The following TRPM8 variants were observed in gnomAD, a reference collection of about 807,000 sequenced individuals.
TRPM8 encodes the protein transient receptor potential cation channel subfamily M member 8.
A neutral mutation model predicts 133.7 loss-of-function variants in TRPM8; 110 were observed. That is an observed-to-expected ratio of 0.82 (90% CI 0.70 to 0.96). The LOEUF is 0.96. Among genes scored for constraint, TRPM8 ranks in the 40% least tolerant of loss-of-function variants. TRPM8 has a pLI of 0.00. For missense variants in TRPM8, 1,291 were observed against 1,379.5 expected (o/e 0.94, Z 1.02); for synonymous variants, 535 against 532.3 (o/e 1.01, Z -0.07).
Position 233,970,059 on chromosome 2 carries a change from A to G in TRPM8, c.2139-151A>G, listed in dbSNP as rs28902185. On this transcript the variant is annotated intron_variant, in intron 16 of 25. Transcript: ENST00000324695. ...TTAATTGCAAAATGCCAAGGATTTA[A>G]TTGGGGTTGGTTCCATCTTAGGACA... 972 of 770,562 alleles carry G rather than the reference A, an allele frequency of 1.3e-3. 7 individuals are homozygous for G. The African/African-American group carries it at 0.013, about 10-fold the overall frequency. 47.7% of individuals were successfully genotyped at this position (770,562 alleles called of 1,614,324 possible).
chr2:233,953,723 G>T, intron 9 of TRPM8, 194 bp from the exon 10 acceptor site: 1 of 438,724 alleles, frequency 2.3e-6, no homozygotes. Context: ...TTTGATAGGG[G>T]CTTTTTGATA....
rs137913537 is a variant in TRPM8 at position 233,993,662 on chromosome 2, G to A, written c.2940-2664G>A. On this transcript the variant is annotated intron_variant, in intron 21 of 25. Coordinates refer to ENST00000324695, the MANE Select transcript of TRPM8 (RefSeq NM_024080.5). ...GACATGTTTTTCCCTGACTCCAAGT[G>A]GCCACTTAAGCCATGGTGCAATAAA... is the stretch of plus-strand genomic sequence containing the variant. 5.3e-5 allele frequency among the ~76,000 whole-genome samples: 8 copies of A among 152,170 alleles called. 1 individual carries two copies. In the East Asian group the frequency reaches 1.5e-3, roughly 29 times the overall value.
intron 22 of TRPM8, 125 bp downstream of exon 22, chr2:233,996,641 C>A: frequency 2.2e-6 from 2 of 904,604 alleles, no homozygotes; most frequent in Non-Finnish European, 3.4e-6. Flanking sequence ...ATCTGTACAT[C>A]TGTAAAGATC....
chr2:233,980,668 A>T (rs1691983679), intron 18 of TRPM8, among the ~76,000 whole-genome samples: 1 of 152,150 alleles, frequency 6.6e-6, no homozygotes, highest in Non-Finnish European at 1.5e-5. Context: ...GCCCCTGATC[A>T]TGGGGAGAAA....
chr2:233,956,677 G>A (rs141167625), intron 11 of TRPM8, among the ~76,000 whole-genome samples: 9 of 152,270 alleles, frequency 5.9e-5, no homozygotes, highest in African/African-American at 1.7e-4. Flanking sequence ...ACTAAGACTC[G>A]ATTTATATTA....
chr2:234,009,878 T>C (rs1045694745), intron 24 of TRPM8, among the ~76,000 whole-genome samples: 2 of 152,208 alleles, frequency 1.3e-5, no homozygotes, highest in East Asian at 3.8e-4. Context: ...ATTTGATGCT[T>C]TGATGCATGT....
intron 12 of TRPM8, 85 bp downstream of exon 12, chr2:233,961,151 A>T: frequency 7.5e-7 from 1 of 1,336,260 alleles, no homozygotes; most frequent in Non-Finnish European, 1.0e-6. Context: ...CCTACTCCCT[A>T]TCTTATTGCC....
chr2:234,015,586 A>C (rs17866591), intron 25 of TRPM8, among the ~76,000 whole-genome samples: 2,509 of 152,260 alleles, frequency 0.016, 38 homozygotes, highest in Non-Finnish European at 0.028. Context: ...TATAGGGGAA[A>C]TCATGTTGCA....
chr2:233,999,985 T>C (rs1692510342), intron 22 of TRPM8, among the ~76,000 whole-genome samples: 1 of 151,936 alleles, frequency 6.6e-6, no homozygotes. Context: ...AAAATTGATA[T>C]ATTTTCACAA....
Position 233,983,203 on chromosome 2 carries a change from C to A in TRPM8, c.2740C>A (p.Gln914Lys). Residue 914 changes from glutamine (Q) to lysine (K), a missense_variant, in exon 20 of 26, where the codon CAG (glutamine) becomes AAG (lysine). Coordinates refer to ENST00000324695, the MANE Select transcript of TRPM8 (RefSeq NM_024080.5). Reference sequence around the variant, plus strand: ...CGAGCCCTACCTGGCCATGTTCGGCCAGGTGCCCAGTGACGTGGATGGTAA... The same window carrying A: ...CGAGCCCTACCTGGCCATGTTCGGCAAGGTGCCCAGTGACGTGGATGGTAA... Reference protein sequence around the residue: ...IYEPYLAMFGQVPSDVDGTTY... With the variant: ...IYEPYLAMFGKVPSDVDGTTY... 1.2e-6 allele frequency: 2 copies of A among 1,614,170 alleles called. No individual in the cohort carries two copies. The highest frequency in any genetic ancestry group is 8.5e-7 in the Non-Finnish European group (1 of 1,180,034).
chr2:233,946,562 G>T (rs1691047838), intron 7 of TRPM8, among the ~76,000 whole-genome samples: 2 of 152,160 alleles, frequency 1.3e-5, no homozygotes, highest in African/African-American at 2.4e-5. Context: ...TGTGGACAGG[G>T]TATTGAGATG....
chr2:233,981,530 G>A (rs961100135), intron 18 of TRPM8, among the ~76,000 whole-genome samples: 1 of 152,072 alleles, frequency 6.6e-6, no homozygotes, highest in African/African-American at 2.4e-5. Flanking sequence ...TAAAGAGACA[G>A]GAACCTCCGA....
At chr2:233,940,877 C>T (rs971081485) in intron 5 of TRPM8, among the ~76,000 whole-genome samples, 2 of 151,972 alleles carry the variant, frequency 1.3e-5, no homozygotes, top group Admixed American at 6.6e-5. Flanking sequence ...TGTTCTATGG[C>T]GTGGGGAAAG....
At chr2:233,981,482 C>T (rs529153715) in intron 18 of TRPM8, among the ~76,000 whole-genome samples, 24 of 152,096 alleles carry the variant, frequency 1.6e-4, no homozygotes, top group Non-Finnish European at 3.1e-4. Context: ...AGCAATAGCA[C>T]GGTTAGGTTC....
intron 17 of TRPM8, among the ~76,000 whole-genome samples, chr2:233,971,869 T>TC (rs57240469): frequency 0.1 from 15,152 of 152,136 alleles, 1,829 homozygotes; most frequent in East Asian, 0.39. Context: ...CACTGCTGGC[T>TC]CGCGCAGCCT....
intron 6 of TRPM8, among the ~76,000 whole-genome samples, chr2:233,943,282 C>T (rs1256124845): frequency 6.6e-6 from 1 of 152,050 alleles, no homozygotes; most frequent in African/African-American, 2.4e-5. Flanking sequence ...CCCAACAGAC[C>T]CTGGTGTGTG....
At position 233,981,781 on chromosome 2, in the gene TRPM8, T is replaced by G. The variant is rs773931564; in HGVS notation, c.2455T>G (p.Ser819Ala). 2 of 1,608,820 alleles carry G rather than the reference T, an allele frequency of 1.2e-6. No individual in the cohort carries two copies. Among genetic ancestry groups the G allele is most frequent in the Non-Finnish European group, 1.7e-6 (2 of 1,178,436 alleles). ...TCCTTCTTTTCCCCCTAGGCTCCAC[T>G]CTTCTAATAAAAGCTCTTTGTATTC... ...FIAGIVFRLH[S>A]SNKSSLYSGR... The change falls in exon 19 of 26, where the codon TCT becomes GCT. Residue 819 changes from serine (S) to alanine (A), a missense_variant. Ser to Ala is a moderately conservative substitution (Grantham distance 99). This residue lies in a region of TRPM8 where 328 missense variants were observed against 410.6 expected (regional missense o/e 0.80). Transcript: ENST00000324695.
At chr2:234,015,116 T>C (rs1692927579) in intron 25 of TRPM8, among the ~76,000 whole-genome samples, 1 of 152,252 alleles carries the variant, frequency 6.6e-6, no homozygotes, top group African/African-American at 2.4e-5. Flanking sequence ...ATCATCTTTT[T>C]ACTAACAAAA....
At chr2:234,006,414 T>A (rs1323273974) in intron 22 of TRPM8, among the ~76,000 whole-genome samples, 2 of 152,192 alleles carry the variant, frequency 1.3e-5, no homozygotes, top group East Asian at 3.9e-4. Flanking sequence ...CTTATTTTCC[T>A]CTCCTCCAGA....
Sources: allele counts gnomAD v4.1 joint callset (sites outside exome capture counted in the v4.1 genomes callset), GRCh38; gene constraint gnomAD v4.1.1; regional missense constraint gnomAD v4.1.1; transcripts MANE v1.5; gene names NCBI Gene and HGNC (gene_info 2026-07-23, HGNC 2026-07-21).